Variants in CMIP observed in about 807,000 individuals in gnomAD.
CMIP encodes the protein c-Maf inducing protein.
Under a neutral mutation model 97.3 loss-of-function variants are expected in CMIP, and 13 were observed. The observed-to-expected ratio is 0.13, with a 90% CI of 0.09 to 0.21. CMIP has a LOEUF of 0.21. Ranked by LOEUF, CMIP falls within the 10% of genes least tolerant of loss-of-function variation. CMIP has a pLI of 1.00. For synonymous variants in CMIP, 538 were observed against 436.3 expected, an observed-to-expected ratio of 1.23 and a Z score of -2.91; for missense variants, 847 against 1,024.9, an observed-to-expected ratio of 0.83 and a Z score of 2.37.
chr16:81,445,292 G>T lies in CMIP; in HGVS notation c.51G>T (p.Glu17Asp). The T allele has an allele frequency of 6.4e-7, 1 of 1,556,840 alleles. No homozygotes were observed. The highest frequency in any genetic ancestry group is 8.7e-7 in the Non-Finnish European group (1 of 1,152,682). Reference sequence around the variant, plus strand: ...GCGGCGGCGACCCCCGGCAGATCGAGGAGACCAAGCCGCTGCTGGGGGGCG... The same window carrying T: ...GCGGCGGCGACCCCCGGCAGATCGATGAGACCAAGCCGCTGCTGGGGGGCG... ...SGGGGDPRQI[E>D]ETKPLLGGDV... is the part of the protein sequence containing the mutation. The change falls in exon 1 of 21, where the codon GAG becomes GAT. Residue 17 changes from glutamate to aspartate, a missense_variant. This residue lies in a region of CMIP where 94 missense variants were observed against 79.9 expected (regional missense o/e 1.18). Transcript: ENST00000537098.
Position 81,702,539 on chromosome 16 carries a change from A to T in CMIP, c.1897-83A>T, listed in dbSNP as rs970911197. The T allele has an allele frequency of 3.0e-6, 4 of 1,341,618 alleles. No individual in the cohort carries two copies. In the African/African-American group the frequency reaches 4.3e-5, roughly 14 times the overall value. The allele number at this position is 1,341,618 out of a possible 1,614,324, so 83.1% of individuals were successfully genotyped here. Reference sequence around the variant, plus strand: ...CCACCAAGAAAATAACGATGGCTCCATGAGTGTTGTTAACAGAGGTGGAAG... The same window carrying T: ...CCACCAAGAAAATAACGATGGCTCCTTGAGTGTTGTTAACAGAGGTGGAAG... On this transcript the variant is annotated intron_variant, in intron 16 of 20. Transcript: ENST00000537098.
chr16:81,458,039 G>C (rs889136087), intron 1 of CMIP, among the ~76,000 whole-genome samples: 5 of 152,244 alleles, frequency 3.3e-5, no homozygotes, highest in Non-Finnish European at 5.9e-5. Context: ...GCCAATAAGA[G>C]AGAGGGGGAG....
chr16:81,503,673 A>G (rs368831718), intron 1 of CMIP, among the ~76,000 whole-genome samples: 5 of 152,230 alleles, frequency 3.3e-5, no homozygotes, highest in East Asian at 3.8e-4. Flanking sequence ...CTGGGATTAT[A>G]GGCCTGAGCC....
At chr16:81,597,284 C>T (rs1644599745) in intron 1 of CMIP, among the ~76,000 whole-genome samples, 3 of 152,220 alleles carry the variant, frequency 2.0e-5, no homozygotes. Context: ...CAACACTTAT[C>T]ATTTTTCATC....
intron 2 of CMIP, among the ~76,000 whole-genome samples, chr16:81,611,664 T>A (rs2091834215): frequency 1.3e-5 from 2 of 152,172 alleles, no homozygotes; most frequent in Admixed American, 1.3e-4. Context: ...CCTCCAGGCC[T>A]CTCACCACCT....
rs1017898578 is a variant in CMIP, at chr16:81,640,295, C to A, written c.478-11908C>A. Among the ~76,000 whole-genome samples, 157 of 151,148 alleles carry A rather than the reference C, an allele frequency of 1.0e-3. 2 individuals are homozygous for A. The East Asian group carries it at 0.018, about 18-fold the overall frequency. On this transcript the variant is annotated intron_variant, in intron 3 of 20. Coordinates refer to ENST00000537098, the MANE Select transcript of CMIP (RefSeq NM_198390.3). ...CAGGATAGGACATCAGGCCCCCCCC[C>A]CCCCAATTCCCCAGGGAAAGAAAAC...
chr16:81,560,741 T>C (rs1007138817), intron 1 of CMIP, among the ~76,000 whole-genome samples: 3 of 152,208 alleles, frequency 2.0e-5, no homozygotes, highest in African/African-American at 7.2e-5. Context: ...CTTTTCTGTG[T>C]TTAAATATGT....
chr16:81,533,149 C>G (rs1263927360), intron 1 of CMIP, among the ~76,000 whole-genome samples: 4 of 152,168 alleles, frequency 2.6e-5, no homozygotes, highest in African/African-American at 9.7e-5. Flanking sequence ...TTCTCCTGAG[C>G]ATATGTTATC....
Position 81,672,648 on chromosome 16 carries a change from T to C in CMIP, c.1034+578T>C, listed in dbSNP as rs148467099. Among the ~76,000 whole-genome samples, 956 of 152,258 alleles carry C rather than the reference T, an allele frequency of 6.3e-3. 2 individuals are homozygous for C. The highest frequency in any genetic ancestry group is 0.027 in the Middle Eastern group (8 of 294). ...GGCAATACAGTGGTGCAGTCATAGCTCACTGCAGCCTCAAACTCCTGGGCT... is the reference window on the plus strand; with the variant it reads ...GGCAATACAGTGGTGCAGTCATAGCCCACTGCAGCCTCAAACTCCTGGGCT... On this transcript the variant is annotated intron_variant, in intron 9 of 20. Transcript: ENST00000537098.
intron 15 of CMIP, among the ~76,000 whole-genome samples, chr16:81,701,332 C>G (rs970240820): frequency 9.9e-5 from 15 of 152,188 alleles, no homozygotes; most frequent in African/African-American, 3.6e-4. Flanking sequence ...GGTGTCTTAA[C>G]TTCTGGCCTT....
chr16:81,609,959 A>T (rs2091804541), intron 2 of CMIP, among the ~76,000 whole-genome samples: 1 of 152,332 alleles, frequency 6.6e-6, no homozygotes, highest in South Asian at 2.1e-4. Flanking sequence ...GTAGAGGGAC[A>T]CTAGAGGAAT....
intron 1 of CMIP, among the ~76,000 whole-genome samples, chr16:81,454,812 G>T (rs1036832534): frequency 6.6e-6 from 1 of 152,200 alleles, no homozygotes; most frequent in Non-Finnish European, 1.5e-5. Flanking sequence ...ACGCCATCAT[G>T]GGGGTGGGGA....
rs1429876838 is a variant in CMIP, at chr16:81,614,071, G to A, written c.426+6379G>A. On this transcript the variant is annotated intron_variant, in intron 2 of 20. Transcript: ENST00000537098. The surrounding 1 kb of genome is among the most constrained non-coding windows in gnomAD (Gnocchi z 5.3). Reference sequence around the variant, plus strand: ...CGAGGCATTCTGGCCTGGTTTGGTTGGGGATGGGGAGGGGAAGGCACCATC... The same window carrying A: ...CGAGGCATTCTGGCCTGGTTTGGTTAGGGATGGGGAGGGGAAGGCACCATC... 2.0e-5 allele frequency among the ~76,000 whole-genome samples: 3 copies of A among 152,202 alleles called. No homozygotes were observed. Among genetic ancestry groups the A allele is most frequent in the African/African-American group, 4.8e-5 (2 of 41,450 alleles).
At chr16:81,449,704 G>C (rs1368043353) in intron 1 of CMIP, among the ~76,000 whole-genome samples, 1 of 151,108 alleles carries the variant, frequency 6.6e-6, no homozygotes, top group Non-Finnish European at 1.5e-5. Flanking sequence ...TGTCATAGGA[G>C]GATTTTGGAG....
In CMIP at chr16:81,529,609, TG is replaced by T. The variant is rs2090194573; in HGVS notation, c.301-77954del. 3.3e-5 allele frequency among the ~76,000 whole-genome samples: 5 copies of T among 152,252 alleles called. No homozygotes were observed. In the South Asian group the frequency reaches 1.0e-3, roughly 32 times the overall value. On this transcript the variant is annotated intron_variant, in intron 1 of 20. Coordinates refer to ENST00000537098, the MANE Select transcript of CMIP (RefSeq NM_198390.3). The stretch of plus-strand genomic sequence containing the variant: ...GGAGACTGGGTTGAGGAGCTTGGGA[TG>T]GGGAGGTTACCCTGGATTATCCAGG...
intron 3 of CMIP, among the ~76,000 whole-genome samples, chr16:81,625,140 G>T (rs1203278407): frequency 1.3e-5 from 2 of 152,228 alleles, no homozygotes; most frequent in African/African-American, 2.4e-5. Flanking sequence ...GAGCAGCTCT[G>T]CTCTTCCTCC....
chr16:81,611,040 G>A (rs1038836968), intron 2 of CMIP, among the ~76,000 whole-genome samples: 1 of 152,124 alleles, frequency 6.6e-6, no homozygotes, highest in African/African-American at 2.4e-5. Flanking sequence ...GAGTGAAAGT[G>A]CCTTAAATGG....
At chr16:81,656,480 A>G (rs918918108) in intron 4 of CMIP, among the ~76,000 whole-genome samples, 1 of 152,254 alleles carries the variant, frequency 6.6e-6, no homozygotes, top group African/African-American at 2.4e-5. Flanking sequence ...CAAGCAAAGC[A>G]GAACACACCA....
intron 1 of CMIP, among the ~76,000 whole-genome samples, chr16:81,482,579 T>C (rs931129603): frequency 7.2e-5 from 11 of 152,146 alleles, no homozygotes. Context: ...CTGGTGGACA[T>C]GCGTGTCCCA....
Sources: allele counts gnomAD v4.1 joint callset (sites outside exome capture counted in the v4.1 genomes callset), GRCh38; gene constraint gnomAD v4.1.1; regional missense constraint gnomAD v4.1.1; non-coding constraint Gnocchi (gnomAD v3.1); transcripts MANE v1.5; gene names NCBI Gene and HGNC (gene_info 2026-07-23, HGNC 2026-07-21).